CALN1: variants seen among roughly 807,000 people sequenced by gnomAD.
The protein encoded by CALN1 is calcium-binding protein 8.
A neutral mutation model predicts 30.6 loss-of-function variants in CALN1; 17 were observed. The ratio of observed to expected loss-of-function variants is 0.56; its 90% CI spans 0.38 to 0.83. The LOEUF (loss-of-function observed/expected upper bound fraction) is 0.83. Among genes scored for constraint, CALN1 ranks in the 40% least tolerant of loss-of-function variants. CALN1 has a pLI of 0.00. For synonymous variants in CALN1, 156 were observed against 131.4 expected, an observed-to-expected ratio of 1.19 and a Z score of -1.28; for missense variants, 291 against 354.9, an observed-to-expected ratio of 0.82 and a Z score of 1.45.
intron 5 of CALN1, among the ~76,000 whole-genome samples, chr7:71,873,436 G>A (rs1792063520): frequency 1.3e-5 from 2 of 152,010 alleles, no homozygotes; most frequent in African/African-American, 4.8e-5. Context: ...TTTATAAATT[G>A]GACCACGAAA....
At chr7:72,487,889 GAAA>G in the CALN1 span, among the ~76,000 whole-genome samples, 1 of 51,942 alleles carries the variant, frequency 1.9e-5, no homozygotes, top group African/African-American at 9.2e-5. Flanking sequence ...AGAAAGAAAA[GAAA>G]AGAAAGAAAG....
In CALN1 at chr7:71,835,915, A is replaced by T. The variant is rs1354681328; in HGVS notation, c.502-25423T>A. ...TATAATTTGGAATATTGCAAAGCAA[A>T]TATGTACTTCTCTCACTTTGGGGTA... On this transcript the variant is annotated intron_variant, in intron 5 of 6. Transcript: ENST00000395275. Among the ~76,000 whole-genome samples the T allele has an allele frequency of 2.0e-5, 3 of 152,180 alleles. No homozygotes were observed. In the East Asian group the frequency reaches 5.8e-4, roughly 29 times the overall value.
At chr7:72,059,728 C>G (rs767520419) in intron 4 of CALN1, among the ~76,000 whole-genome samples, 1 of 152,070 alleles carries the variant, frequency 6.6e-6, no homozygotes. Flanking sequence ...TCCCAGTCCT[C>G]CTGTAATTTC....
the CALN1 span, among the ~76,000 whole-genome samples, chr7:72,493,014 A>G: frequency 5.0e-3 from 755 of 152,322 alleles, 10 homozygotes; most frequent in African/African-American, 0.017. Context: ...CATTGAAAGT[A>G]TGCAGTCCAG....
At position 72,155,921 on chromosome 7, in the gene CALN1, T is replaced by C. The variant is rs537535369; in HGVS notation, c.245-49627A>G. ...TCCTCCACCTTCAATGCCAGCTGAATAGCATTTTTTCCTCTCTCTAATCTC... is the reference window on the plus strand; with the variant it reads ...TCCTCCACCTTCAATGCCAGCTGAACAGCATTTTTTCCTCTCTCTAATCTC... On this transcript the variant is annotated intron_variant, in intron 3 of 6. Coordinates refer to ENST00000395275, the MANE Select transcript of CALN1 (RefSeq NM_031468.4). Among the ~76,000 whole-genome samples, 6 of 152,272 alleles carry C rather than the reference T, an allele frequency of 3.9e-5. No individual in the cohort carries two copies. In the South Asian group the frequency reaches 1.0e-3, roughly 26 times the overall value.
At chr7:71,930,897 T>C (rs1191715515) in intron 5 of CALN1, among the ~76,000 whole-genome samples, 1 of 152,232 alleles carries the variant, frequency 6.6e-6, no homozygotes, top group Admixed American at 6.5e-5. Context: ...AAGTCTTCTC[T>C]GACTTCTTTG....
intron 5 of CALN1, among the ~76,000 whole-genome samples, chr7:71,949,092 C>G (rs2129523811): frequency 6.7e-6 from 1 of 149,788 alleles, no homozygotes; most frequent in Non-Finnish European, 1.5e-5. Flanking sequence ...TTCCATGCTG[C>G]CAGTTTGTCA....
At chr7:71,895,297 CTT>C (rs1793476114) in intron 5 of CALN1, among the ~76,000 whole-genome samples, 1 of 151,186 alleles carries the variant, frequency 6.6e-6, no homozygotes, top group Non-Finnish European at 1.5e-5. Context: ...AAGTGATTCT[CTT>C]GACAATTTTC....
chr7:72,032,293 G>A (rs897066241), intron 4 of CALN1, among the ~76,000 whole-genome samples: 4 of 150,118 alleles, frequency 2.7e-5, no homozygotes, highest in South Asian at 2.1e-4. Flanking sequence ...TGATCCGCCC[G>A]CCTTGGCCTC....
chr7:72,116,628 TC>T (rs1356425478), intron 3 of CALN1, among the ~76,000 whole-genome samples: 2 of 152,082 alleles, frequency 1.3e-5, no homozygotes, highest in Admixed American at 6.5e-5. Flanking sequence ...CAGCCATACC[TC>T]CAAGTTAGCT....
intron 2 of CALN1, among the ~76,000 whole-genome samples, chr7:72,320,244 A>G (rs1367802127): frequency 6.6e-6 from 1 of 152,196 alleles, no homozygotes; most frequent in African/African-American, 2.4e-5. Flanking sequence ...CAGGGCTAGG[A>G]CGGCGGGCTA....
chr7:72,197,773 T>A (rs1389698445), intron 3 of CALN1, among the ~76,000 whole-genome samples: 3 of 152,172 alleles, frequency 2.0e-5, no homozygotes, highest in Non-Finnish European at 4.4e-5. Context: ...GGAGGATCAC[T>A]TGAGCCCAGG....
intron 5 of CALN1, among the ~76,000 whole-genome samples, chr7:71,829,829 C>G (rs907909409): frequency 1.3e-5 from 2 of 152,186 alleles, no homozygotes; most frequent in Admixed American, 6.5e-5. Flanking sequence ...TCACAGCACT[C>G]CTGAGAATAA....
intron 3 of CALN1, among the ~76,000 whole-genome samples, chr7:72,238,887 T>C (rs556451176): frequency 7.9e-5 from 12 of 152,178 alleles, no homozygotes; most frequent in African/African-American, 2.6e-4. Flanking sequence ...TACAGTGTCA[T>C]AGAAAAAGAA....
At chr7:72,467,997 C>A in the CALN1 span, among the ~76,000 whole-genome samples, 1 of 152,152 alleles carries the variant, frequency 6.6e-6, no homozygotes. Context: ...TAAATGGAAT[C>A]ATATAGTATG....
chr7:71,912,353 A>C (rs1794469264), intron 5 of CALN1, among the ~76,000 whole-genome samples: 2 of 152,060 alleles, frequency 1.3e-5, no homozygotes, highest in Admixed American at 6.5e-5. Context: ...GCCAAACCAA[A>C]GTTCCTGGCA....
In CALN1 at chr7:71,784,892, A is replaced by G. The variant is rs1792904341; in HGVS notation, c.*2883T>C. On this transcript the variant is annotated 3_prime_UTR_variant, in exon 7 of 7. Transcript: ENST00000395275. ...GCTTCATAGCCACCATGATGGGGAC[A>G]CTGACTGGCATGGGGCCCTAGCATA... 1.0e-5 allele frequency: 4 copies of G among 398,610 alleles called. No homozygotes were observed. The Admixed American group carries it at 1.3e-4, about 13-fold the overall frequency. 24.7% of individuals were successfully genotyped at this position (398,610 alleles called of 1,614,324 possible).
chr7:72,423,108 CAAA>C (rs1226895626), intron 1 of CALN1, among the ~76,000 whole-genome samples: 4 of 96,460 alleles, frequency 4.1e-5, no homozygotes, highest in Non-Finnish European at 6.5e-5. Context: ...GACTCCATCT[CAAA>C]AAAAAAAAAA....
intron 4 of CALN1, among the ~76,000 whole-genome samples, chr7:72,034,995 A>T (rs1801704785): frequency 6.6e-6 from 1 of 152,074 alleles, no homozygotes; most frequent in Non-Finnish European, 1.5e-5. Flanking sequence ...ATATCCAGAC[A>T]TGTACCCACT....
Sources: gnomAD v4.1 joint callset for allele counts (sites outside exome capture counted in the v4.1 genomes callset) on GRCh38, gnomAD v4.1.1 for gene constraint, MANE v1.5 for transcripts, NCBI Gene and HGNC (gene_info 2026-07-23, HGNC 2026-07-21) for gene names.